TEAD1: variants seen among roughly 807,000 people sequenced by gnomAD.
The protein encoded by TEAD1 is transcriptional enhancer factor TEF-1.
In TEAD1, 9 loss-of-function variants were observed where a neutral mutation model predicts 54.9. The ratio of observed to expected loss-of-function variants is 0.16; its 90% CI spans 0.10 to 0.29. TEAD1 has a LOEUF of 0.29. Ranked by LOEUF, TEAD1 falls within the 10% of genes least tolerant of loss-of-function variation. The pLI is 1.00. For synonymous variants in TEAD1, 200 were observed against 187.8 expected (o/e 1.07, Z -0.53); for missense variants, 387 against 535.9 (o/e 0.72, Z 2.74).
chr11:12,738,087 C>T (rs1944573130), intron 2 of TEAD1, among the ~76,000 whole-genome samples: 1 of 152,182 alleles, frequency 6.6e-6, no homozygotes, highest in South Asian at 2.1e-4. Context: ...TCACTTATCT[C>T]CATCTGGGTC....
chr11:12,790,686 A>G (rs1332032512), intron 3 of TEAD1, among the ~76,000 whole-genome samples: 2 of 152,240 alleles, frequency 1.3e-5, no homozygotes, highest in Non-Finnish European at 2.9e-5. Context: ...TACCTTTGCC[A>G]GTTGATCTAA....
intron 5 of TEAD1, among the ~76,000 whole-genome samples, chr11:12,875,034 C>T (rs1237923464): frequency 6.6e-6 from 1 of 152,178 alleles, no homozygotes; most frequent in Non-Finnish European, 1.5e-5. Flanking sequence ...AGAATATTTC[C>T]TGTAACCTAA....
At chr11:12,758,258 TG>T in intron 2 of TEAD1, among the ~76,000 whole-genome samples, 1 of 151,574 alleles carries the variant, frequency 6.6e-6, no homozygotes, top group African/African-American at 2.4e-5. Flanking sequence ...ATTTTTTTTT[TG>T]TGATGGAGTC....
intron 10 of TEAD1, chr11:12,921,335 G>C (rs1220329581): frequency 1.3e-5 from 2 of 152,086 alleles, no homozygotes; most frequent in African/African-American, 4.8e-5. Context: ...ATGGGAGTTC[G>C]AGACCAGCCT....
At chr11:12,865,660 A>C (rs2134073015) in intron 5 of TEAD1, 1 of 152,276 alleles carries the variant, frequency 6.6e-6, no homozygotes, top group South Asian at 2.1e-4. Context: ...TATATTTTAT[A>C]GGAAAAATGG....
chr11:12,824,522 T>C (rs1946612275), intron 3 of TEAD1, among the ~76,000 whole-genome samples: 1 of 152,236 alleles, frequency 6.6e-6, no homozygotes, highest in South Asian at 2.1e-4. Context: ...CAATGTTGGA[T>C]ACTGCCCGAT....
intron 2 of TEAD1, among the ~76,000 whole-genome samples, chr11:12,701,876 A>G (rs1461386478): frequency 6.6e-6 from 1 of 152,220 alleles, no homozygotes. Flanking sequence ...ACTGGGCATA[A>G]AAAAGATGAC....
At chr11:12,768,374 G>A (rs973665963) in intron 3 of TEAD1, among the ~76,000 whole-genome samples, 4 of 152,220 alleles carry the variant, frequency 2.6e-5, no homozygotes, top group Non-Finnish European at 5.9e-5. Flanking sequence ...CTAGCATATA[G>A]TGAGAGGTAT....
chr11:12,840,213 C>G (rs1340962105), intron 3 of TEAD1, among the ~76,000 whole-genome samples: 1 of 141,156 alleles, frequency 7.1e-6, no homozygotes, highest in Non-Finnish European at 1.5e-5. Flanking sequence ...CGCCACTGCA[C>G]TCCAGCCTGG....
intron 3 of TEAD1, among the ~76,000 whole-genome samples, chr11:12,834,607 A>T (rs1349820844): frequency 6.6e-6 from 1 of 150,908 alleles, no homozygotes; most frequent in Non-Finnish European, 1.5e-5. Context: ...CCAATTAAAG[A>T]TATTTTTTGT....
chr11:12,686,407 A>G (rs1307290402), intron 2 of TEAD1, among the ~76,000 whole-genome samples: 2 of 152,182 alleles, frequency 1.3e-5, no homozygotes, highest in Non-Finnish European at 1.5e-5. Flanking sequence ...TGCTATTTCA[A>G]CCAAATTGTT....
At chr11:12,788,595 A>G (rs944156155) in intron 3 of TEAD1, among the ~76,000 whole-genome samples, 6 of 152,258 alleles carry the variant, frequency 3.9e-5, no homozygotes, top group Non-Finnish European at 7.3e-5. Flanking sequence ...TATAATGTAC[A>G]CATTCCAAAT....
At chr11:12,760,766 C>T (rs546380252) in intron 2 of TEAD1, among the ~76,000 whole-genome samples, 1 of 152,268 alleles carries the variant, frequency 6.6e-6, no homozygotes, top group African/African-American at 2.4e-5. Context: ...AGATACAAGG[C>T]CAGTTTCCAG....
chr11:12,861,133 T>TA (rs1193490718), intron 3 of TEAD1, among the ~76,000 whole-genome samples: 2 of 152,254 alleles, frequency 1.3e-5, no homozygotes, highest in Non-Finnish European at 2.9e-5. Context: ...TTCCTGGTAT[T>TA]AGAGCAAGTT....
intron 3 of TEAD1, among the ~76,000 whole-genome samples, chr11:12,821,961 C>CTTTTTTTTTTTTTTTT (rs10700151): frequency 0.026 from 1,738 of 68,042 alleles, 365 homozygotes; most frequent in Middle Eastern, 0.048. Context: ...TTCTCTTTTC[C>CTTTTTTTTTTTTTTTT]TTTTTTTTTT....
In TEAD1 at chr11:12,939,528, T is replaced by C. The variant is rs1949140655; in HGVS notation, c.*2306T>C. The C allele has an allele frequency of 6.6e-6, 1 of 152,248 alleles. No individual in the cohort carries two copies. Among genetic ancestry groups the C allele is most frequent in the African/African-American group, 2.4e-5 (1 of 41,434 alleles). 9.4% of individuals were successfully genotyped at this position (152,248 alleles called of 1,614,324 possible). ...TTTCCTTTCCAAAGCACAAAAATAC[T>C]GGGACCCAAGAAGAACAGCTAGAGG... is the stretch of plus-strand genomic sequence containing the variant. On this transcript the variant is annotated 3_prime_UTR_variant, in exon 13 of 13. Transcript: ENST00000527636.
At chr11:12,901,511 G>A (rs558444557) in intron 9 of TEAD1, among the ~76,000 whole-genome samples, 4 of 152,276 alleles carry the variant, frequency 2.6e-5, no homozygotes, top group Non-Finnish European at 4.4e-5. Context: ...TATCTACGCT[G>A]TCCCAGGAGA....
chr11:12,759,745 C>G (rs543144970), intron 2 of TEAD1, among the ~76,000 whole-genome samples: 1 of 152,158 alleles, frequency 6.6e-6, no homozygotes, highest in South Asian at 2.1e-4. Context: ...GCCTGTAATC[C>G]CAGCTACTTG....
At chr11:12,834,252 G>T (rs1041537806) in intron 3 of TEAD1, among the ~76,000 whole-genome samples, 1 of 152,150 alleles carries the variant, frequency 6.6e-6, no homozygotes, top group Non-Finnish European at 1.5e-5. Flanking sequence ...TAGATTTTCT[G>T]GTGTTTGATT....
Sources: allele counts gnomAD v4.1 joint callset (sites outside exome capture counted in the v4.1 genomes callset), GRCh38; gene constraint gnomAD v4.1.1; transcripts MANE v1.5; gene names NCBI Gene and HGNC (gene_info 2026-07-23, HGNC 2026-07-21).